HIVEP2: variants seen among roughly 807,000 people sequenced by gnomAD.
HIVEP2 encodes the protein HIVEP zinc finger 2.
Under a neutral mutation model 180.7 loss-of-function variants are expected in HIVEP2, and 14 were observed. The observed-to-expected ratio is 0.08, with a 90% CI of 0.05 to 0.12. The LOEUF is 0.12. Among genes scored for constraint, HIVEP2 ranks in the 10% least tolerant of loss-of-function variants. The probability of loss-of-function intolerance (pLI) is 1.00; values close to 1 mark genes in which losing one functional copy is unlikely to be tolerated. For synonymous variants in HIVEP2, 1,184 were observed against 1,136.4 expected (o/e 1.04, Z -0.84); for missense variants, 2,579 against 3,008.5 (o/e 0.86, Z 3.34).
chr6:142,753,543 G>A lies in HIVEP2; in HGVS notation c.6905C>T (p.Pro2302Leu). 4 of 1,614,240 alleles carry A rather than the reference G, an allele frequency of 2.5e-6. No homozygotes were observed. The highest frequency in any genetic ancestry group is 1.7e-6 in the Non-Finnish European group (2 of 1,180,044). Residue 2302 changes from proline (P) to leucine (L), a missense_variant, in exon 10 of 10, where the codon CCT becomes CTT. Transcript: ENST00000367603. ...SSGPPSTPSS[P>L]RLLMKQSTSE... ...AGTGCTCTGTTTCATCAACAGCCGAGGAGAGGAGGGAGTGCTAGGTGGACC... is the reference window on the plus strand; with the variant it reads ...AGTGCTCTGTTTCATCAACAGCCGAAGAGAGGAGGGAGTGCTAGGTGGACC...
chr6:142,758,663 CAGT>C (rs751109658), intron 9 of HIVEP2, among the ~76,000 whole-genome samples: 14,438 of 152,224 alleles, frequency 0.095, 915 homozygotes, highest in South Asian at 0.13. Context: ...AGAGACATCA[CAGT>C]CTACTGAGCC....
rs3057566 is a variant in HIVEP2, at chr6:142,809,581, CTGTT to C, written c.-527-25970_-527-25967del. Reference sequence around the variant, plus strand: ...GTACTTAGCTAATATTCTGGGTTTTCTGTTTGTTTGTTTGTTTGTTTGTTTGTTT... The same window carrying C: ...GTACTTAGCTAATATTCTGGGTTTTCTGTTTGTTTGTTTGTTTGTTTGTTT... On this transcript the variant is annotated intron_variant, in intron 2 of 9. Transcript: ENST00000367603. 7.9e-3 allele frequency among the ~76,000 whole-genome samples: 1,184 copies of C among 150,514 alleles called. 9 individuals are homozygous for C. The highest frequency in any genetic ancestry group is 9.5e-3 in the Non-Finnish European group (644 of 67,616).
intron 9 of HIVEP2, 79 bp from the exon 10 acceptor site, chr6:142,754,010 A>T (rs1774999307): frequency 4.2e-6 from 3 of 720,326 alleles, no homozygotes; most frequent in Non-Finnish European, 6.9e-6. Flanking sequence ...GGATTCATTC[A>T]CTCACCCATT....
At chr6:142,902,048 T>C (rs1777145830) in intron 1 of HIVEP2, among the ~76,000 whole-genome samples, 1 of 152,158 alleles carries the variant, frequency 6.6e-6, no homozygotes, top group Non-Finnish European at 1.5e-5. Context: ...TATCCATGAG[T>C]CCACACCAAA....
Position 142,760,621 on chromosome 6 carries a change from G to A in HIVEP2, c.5667C>T (p.Ser1889=), listed in dbSNP as rs1775205866. 6.2e-7 allele frequency: 1 copy of A among 1,613,256 alleles called. No individual in the cohort carries two copies. The highest frequency in any genetic ancestry group is 1.7e-5 in the Admixed American group (1 of 59,936). ...AGAACTGATGATCAGTTGAAATGCT[G>A]GACATGCTATGCTTCTCTGCTGCTT... is the stretch of plus-strand genomic sequence containing the variant. ...LHKAAEKHSM[S]SISTDHQFSD... Residue 1889 remains serine (S), a synonymous_variant, in exon 9 of 10, where the codon TCC becomes TCT. Coordinates refer to ENST00000367603, the MANE Select transcript of HIVEP2 (RefSeq NM_006734.4).
At chr6:142,776,928 G>C (rs1775716082) in intron 3 of HIVEP2, among the ~76,000 whole-genome samples, 2 of 152,106 alleles carry the variant, frequency 1.3e-5, no homozygotes, top group South Asian at 4.1e-4. Flanking sequence ...CAAAGTGAAG[G>C]AGTCCTCTAG....
chr6:142,944,253 T>G (rs1778246516), intron 1 of HIVEP2, among the ~76,000 whole-genome samples: 2 of 152,008 alleles, frequency 1.3e-5, no homozygotes, highest in African/African-American at 4.8e-5. Context: ...TCATGTCCTC[T>G]GCTGCACTGG....
Position 142,772,755 on chromosome 6 carries a change from A to T in HIVEP2, c.1984T>A (p.Ser662Thr). The T allele has an allele frequency of 6.2e-7, 1 of 1,614,252 alleles. No individual in the cohort carries two copies. Among genetic ancestry groups the T allele is most frequent in the South Asian group, 1.1e-5 (1 of 91,090 alleles). ...ETPKQNYRDISCLSSLKHGGE... is the reference protein window; with the variant it reads ...ETPKQNYRDITCLSSLKHGGE... ...CCATGCTTTAAAGAACTCAAGCAGG[A>T]AATGTCCCTGTAGTTTTGCTTTGGT... Residue 662 changes from serine (S) to threonine (T), a missense_variant, in exon 5 of 10, where the codon TCC becomes ACC. Ser to Thr is a moderately conservative substitution (Grantham distance 58, BLOSUM62 1). This residue lies in a region of HIVEP2 where 524 missense variants were observed against 563.6 expected (regional missense o/e 0.93). Transcript: ENST00000367603. The surrounding 1 kb of genome is among the most constrained non-coding windows in gnomAD (Gnocchi z 4.9).
intron 1 of HIVEP2, among the ~76,000 whole-genome samples, chr6:142,877,263 CTAGT>C (rs1285025861): frequency 2.0e-5 from 3 of 152,142 alleles, no homozygotes; most frequent in Non-Finnish European, 2.9e-5. Flanking sequence ...ACACATATAT[CTAGT>C]TAGTTTTAAT....
At chr6:142,931,310 A>C (rs1201937389) in intron 1 of HIVEP2, among the ~76,000 whole-genome samples, 3 of 151,724 alleles carry the variant, frequency 2.0e-5, no homozygotes, top group African/African-American at 7.3e-5. Flanking sequence ...CTATATAGAT[A>C]GCAGTCTTAC....
intron 2 of HIVEP2, among the ~76,000 whole-genome samples, chr6:142,829,787 T>C (rs532267198): frequency 2.0e-5 from 3 of 152,316 alleles, no homozygotes; most frequent in African/African-American, 7.2e-5. Flanking sequence ...TCTGTGATGA[T>C]TGGTGTCCTC....
In HIVEP2 at chr6:142,753,842, G is replaced by C. The variant is rs267600844; in HGVS notation, c.6606C>G (p.Phe2202Leu). ...AGACATAGTCATTAGGACCCTCAGG[G>C]AAAAGGCTGGAGCCTGGATGTTCAT... ...GAYEHPGSSLFPEGPNDYVFS... is the reference protein window; with the variant it reads ...GAYEHPGSSLLPEGPNDYVFS... The change falls in exon 10 of 10, where the codon TTC becomes TTG. Residue 2202 changes from phenylalanine (F) to leucine (L), a missense_variant. Transcript: ENST00000367603. The C allele has an allele frequency of 6.2e-7, 1 of 1,613,832 alleles. No homozygotes were observed. Among genetic ancestry groups the C allele is most frequent in the East Asian group, 2.2e-5 (1 of 44,876 alleles).
chr6:142,897,167 G>A (rs1289777488), intron 1 of HIVEP2, among the ~76,000 whole-genome samples: 1 of 152,112 alleles, frequency 6.6e-6, no homozygotes, highest in African/African-American at 2.4e-5. Flanking sequence ...TTAACCACCA[G>A]AGAAATAAAA....
chr6:142,919,301 A>G lies in HIVEP2; in HGVS notation c.-641+25798T>C, dbSNP rs547950246. ...GCCCTTTATGTGAAATATACAAAATATTCTCTGCTCTCTTCCTGATAGTTG... is the reference window on the plus strand; with the variant it reads ...GCCCTTTATGTGAAATATACAAAATGTTCTCTGCTCTCTTCCTGATAGTTG... On this transcript the variant is annotated intron_variant, in intron 1 of 9. Coordinates refer to ENST00000367603, the MANE Select transcript of HIVEP2 (RefSeq NM_006734.4). Among the ~76,000 whole-genome samples, 178 of 152,362 alleles carry G rather than the reference A, an allele frequency of 1.2e-3. 1 individual carries two copies. Among genetic ancestry groups the G allele is most frequent in the Non-Finnish European group, 1.7e-3 (115 of 68,032 alleles).
intron 1 of HIVEP2, among the ~76,000 whole-genome samples, chr6:142,940,236 T>C (rs1029250204): frequency 2.0e-5 from 3 of 152,218 alleles, no homozygotes; most frequent in Admixed American, 6.5e-5. Context: ...CTATTTTTGT[T>C]AACTGGAGCA....
chr6:142,891,724 C>T (rs1776865782), intron 1 of HIVEP2, among the ~76,000 whole-genome samples: 1 of 152,200 alleles, frequency 6.6e-6, no homozygotes, highest in Non-Finnish European at 1.5e-5. Flanking sequence ...CAGATACCAC[C>T]TAGCTTTTAA....
chr6:142,850,948 T>C (rs1412946548), intron 1 of HIVEP2, among the ~76,000 whole-genome samples: 2 of 152,240 alleles, frequency 1.3e-5, no homozygotes, highest in Non-Finnish European at 2.9e-5. Flanking sequence ...TTTTACAGTC[T>C]GGTGGTTTGT....
intron 1 of HIVEP2, among the ~76,000 whole-genome samples, chr6:142,841,763 C>T (rs1458937442): frequency 6.6e-6 from 1 of 152,094 alleles, no homozygotes; most frequent in African/African-American, 2.4e-5. Context: ...TTATGAATCT[C>T]TACATATACG....
intron 1 of HIVEP2, among the ~76,000 whole-genome samples, chr6:142,903,665 T>A (rs1452029351): frequency 6.6e-6 from 1 of 152,158 alleles, no homozygotes; most frequent in Non-Finnish European, 1.5e-5. Context: ...TTCCCATTAA[T>A]TCACACACTA....
Sources: gnomAD v4.1 joint callset for allele counts (sites outside exome capture counted in the v4.1 genomes callset) on GRCh38, gnomAD v4.1.1 for gene constraint, gnomAD v4.1.1 regional missense constraint, Gnocchi (gnomAD v3.1) non-coding constraint, MANE v1.5 for transcripts, NCBI Gene and HGNC (gene_info 2026-07-23, HGNC 2026-07-21) for gene names.